The following KCNIP4 variants were observed in gnomAD, a reference collection of about 807,000 sequenced individuals.
KCNIP4 encodes Kv channel-interacting protein 4.
A neutral mutation model predicts 34.0 loss-of-function variants in KCNIP4; 12 were observed. That is an observed-to-expected ratio of 0.35 (90% CI 0.23 to 0.57). KCNIP4 has a LOEUF of 0.57. Among genes scored for constraint, KCNIP4 ranks in the 20% least tolerant of loss-of-function variants. KCNIP4 has a pLI of 0.83. For missense variants in KCNIP4, 238 were observed against 311.7 expected (o/e 0.76, Z 1.78); for synonymous variants, 124 against 102.2 (o/e 1.21, Z -1.29).
At chr4:21,536,810 A>G (rs1737214241) in intron 1 of KCNIP4, among the ~76,000 whole-genome samples, 1 of 152,096 alleles carries the variant, frequency 6.6e-6, no homozygotes, top group South Asian at 2.1e-4. Context: ...CTTTGAGAAT[A>G]GGTTCTTATT....
chr4:21,259,885 C>CTGTGTGTGTGTGTGTGTGTGTGTG (rs4054880), intron 1 of KCNIP4, among the ~76,000 whole-genome samples: 1 of 145,906 alleles, frequency 6.9e-6, no homozygotes, highest in African/African-American at 2.5e-5. Flanking sequence ...GCGCCCAAGA[C>CTGTGTGTGTGTGTGTGTGTGTGTG]TGTGTGTGTG....
At chr4:21,147,048 CT>C (rs1469765939) in intron 1 of KCNIP4, among the ~76,000 whole-genome samples, 1 of 152,072 alleles carries the variant, frequency 6.6e-6, no homozygotes, top group Non-Finnish European at 1.5e-5. Context: ...GCTCTCCGTC[CT>C]GGGAGGTGGA....
rs568251640 is a variant in KCNIP4 at position 21,781,339 on chromosome 4, T to G, written c.61+167232A>C. ...TGAGGCCTCCTTAGCTATCTGGAAC[T>G]GTGAGTCAATTAACTCCTTCCCTTT... On this transcript the variant is annotated intron_variant, in intron 1 of 8. Coordinates refer to ENST00000382152, the MANE Select transcript of KCNIP4 (RefSeq NM_025221.6). Among the ~76,000 whole-genome samples the G allele has an allele frequency of 2.0e-5, 3 of 152,296 alleles. No individual in the cohort carries two copies. In the East Asian group the frequency reaches 5.8e-4, roughly 29 times the overall value.
chr4:20,850,690 G>C (rs756951181), intron 2 of KCNIP4, 23 bp from the exon 3 acceptor site: 2 of 1,607,832 alleles, frequency 1.2e-6, no homozygotes, highest in East Asian at 2.2e-5. Context: ...ACAAGAAAGA[G>C]TCTTAGGACC....
chr4:21,462,454 G>C (rs1729539176), intron 1 of KCNIP4, among the ~76,000 whole-genome samples: 1 of 151,930 alleles, frequency 6.6e-6, no homozygotes, highest in African/African-American at 2.4e-5. Context: ...GAGAAGAATG[G>C]GAAAGACCTG....
chr4:20,748,563 TA>T (rs1752891002), intron 5 of KCNIP4, among the ~76,000 whole-genome samples: 3 of 1,530 alleles, frequency 2.0e-3, no homozygotes, highest in East Asian at 0.033. Context: ...CCAAATTTTA[TA>T]TATATATATA....
intron 3 of KCNIP4, among the ~76,000 whole-genome samples, chr4:20,774,626 G>A (rs1560455724): frequency 6.6e-6 from 1 of 152,142 alleles, no homozygotes; most frequent in Admixed American, 6.5e-5. Context: ...TTACAGTTGC[G>A]ATAAGTGCTA....
chr4:21,626,784 T>A (rs1337245132), intron 1 of KCNIP4, among the ~76,000 whole-genome samples: 1 of 152,096 alleles, frequency 6.6e-6, no homozygotes, highest in East Asian at 1.9e-4. Context: ...GGTTCTTTTT[T>A]CCCATTGAAC....
intron 1 of KCNIP4, among the ~76,000 whole-genome samples, chr4:21,874,391 T>A (rs1290273946): frequency 6.6e-6 from 1 of 152,208 alleles, no homozygotes; most frequent in Non-Finnish European, 1.5e-5. Context: ...CTGTCCAAAC[T>A]GCTTTACCTG....
chr4:20,924,548 A>C (rs978489960), intron 1 of KCNIP4, among the ~76,000 whole-genome samples: 7 of 152,178 alleles, frequency 4.6e-5, no homozygotes, highest in Non-Finnish European at 8.8e-5. Flanking sequence ...AATCTAGCAC[A>C]AGCCCGGAAC....
At position 21,581,454 on chromosome 4, in the gene KCNIP4, C is replaced by T. The variant is rs545392485; in HGVS notation, c.61+367117G>A. Among the ~76,000 whole-genome samples the T allele has an allele frequency of 1.6e-4, 25 of 151,986 alleles. No individual in the cohort carries two copies. In the East Asian group the frequency reaches 2.9e-3, roughly 18 times the overall value. ...GGAGGTAAAGAAGATAGGAAGGTAA[C>T]GGATGAGAGTTTGGCTACAGTCATG... On this transcript the variant is annotated intron_variant, in intron 1 of 8. Coordinates refer to ENST00000382152, the MANE Select transcript of KCNIP4 (RefSeq NM_025221.6).
At chr4:21,478,980 T>A (rs1731210497) in intron 1 of KCNIP4, among the ~76,000 whole-genome samples, 1 of 152,224 alleles carries the variant, frequency 6.6e-6, no homozygotes, top group Non-Finnish European at 1.5e-5. Context: ...ACAGTCCTTT[T>A]ATTACTTCAT....
intron 1 of KCNIP4, among the ~76,000 whole-genome samples, chr4:21,400,303 A>G (rs1004742845): frequency 2.0e-4 from 30 of 151,978 alleles, no homozygotes; most frequent in African/African-American, 7.0e-4. Context: ...CAACAAGATA[A>G]CTGTAATGCC....
At chr4:20,869,450 ATTG>A in intron 2 of KCNIP4, among the ~76,000 whole-genome samples, 1 of 151,988 alleles carries the variant, frequency 6.6e-6, no homozygotes, top group Non-Finnish European at 1.5e-5. Context: ...AATTAATGAT[ATTG>A]TTGTTCATAT....
chr4:20,734,753 T>C lies in KCNIP4; in HGVS notation c.430-18A>G, dbSNP rs757146319. 5.0e-6 allele frequency: 7 copies of C among 1,412,026 alleles called. No homozygotes were observed. The highest frequency in any genetic ancestry group is 2.2e-5 in the Admixed American group (1 of 45,924). 87.5% of individuals were successfully genotyped at this position (1,412,026 alleles called of 1,614,324 possible). On this transcript the variant is annotated intron_variant, in intron 5 of 8. Coordinates refer to ENST00000382152, the MANE Select transcript of KCNIP4 (RefSeq NM_025221.6). ...ATGAAATCCTGAAAAGAAATAAAAATTCAATTTTATATGACATTTTTAAAA... is the reference window on the plus strand; with the variant it reads ...ATGAAATCCTGAAAAGAAATAAAAACTCAATTTTATATGACATTTTTAAAA...
intron 1 of KCNIP4, among the ~76,000 whole-genome samples, chr4:21,441,741 T>C (rs911210494): frequency 1.3e-5 from 2 of 152,300 alleles, no homozygotes; most frequent in African/African-American, 4.8e-5. Context: ...TTGTCAGATA[T>C]ACTAAGCAGG....
chr4:21,351,440 T>C (rs935353713), intron 1 of KCNIP4, among the ~76,000 whole-genome samples: 1 of 152,172 alleles, frequency 6.6e-6, no homozygotes, highest in African/African-American at 2.4e-5. Flanking sequence ...CCTTTGGTTT[T>C]CCTTCACCTT....
chr4:20,803,721 GA>G (rs1350275375), intron 3 of KCNIP4, among the ~76,000 whole-genome samples: 162 of 128,100 alleles, frequency 1.3e-3, no homozygotes, highest in Middle Eastern at 7.2e-3. Context: ...GAGAGAGAGA[GA>G]GAGAGAGGAA....
At chr4:21,237,892 AT>A (rs1267813887) in intron 1 of KCNIP4, among the ~76,000 whole-genome samples, 1 of 152,238 alleles carries the variant, frequency 6.6e-6, no homozygotes, top group East Asian at 1.9e-4. Context: ...GGCCAGTATC[AT>A]CCTGATACCA....
Sources: gnomAD v4.1 joint callset for allele counts (sites outside exome capture counted in the v4.1 genomes callset) on GRCh38, gnomAD v4.1.1 for gene constraint, MANE v1.5 for transcripts, NCBI Gene and HGNC (gene_info 2026-07-23, HGNC 2026-07-21) for gene names.